Variants in SPIDR observed in about 807,000 individuals in gnomAD.
SPIDR encodes the protein DNA repair-scaffolding protein.
In SPIDR, 93 loss-of-function variants were observed where a neutral mutation model predicts 104.6. The ratio of observed to expected loss-of-function variants is 0.89; its 90% CI spans 0.75 to 1.06. The LOEUF is 1.06. SPIDR is among the 50% of genes least tolerant of loss of function. SPIDR has a pLI of 0.00. For synonymous variants in SPIDR, 431 were observed against 416.9 expected (o/e 1.03, Z -0.41); for missense variants, 1,154 against 1,111.2 (o/e 1.04, Z -0.55).
intron 7 of SPIDR, among the ~76,000 whole-genome samples, chr8:47,435,928 C>T (rs912897829): frequency 6.6e-6 from 1 of 152,208 alleles, no homozygotes; most frequent in Non-Finnish European, 1.5e-5. Context: ...CAGTCATCCT[C>T]TCTGTTCTTG....
intron 7 of SPIDR, among the ~76,000 whole-genome samples, chr8:47,434,106 T>C (rs928614215): frequency 3.3e-5 from 5 of 152,194 alleles, no homozygotes; most frequent in African/African-American, 1.2e-4. Flanking sequence ...AATAGTAAAA[T>C]GTACACTGAA....
At chr8:47,350,110 G>T (rs1438581431) in intron 5 of SPIDR, among the ~76,000 whole-genome samples, 4 of 152,060 alleles carry the variant, frequency 2.6e-5, no homozygotes, top group African/African-American at 4.8e-5. Context: ...GGAATGATCG[G>T]GTTTTTCTTA....
chr8:47,732,429 A>G, intron 19 of SPIDR: 1 of 542,570 alleles, frequency 1.8e-6, no homozygotes, highest in Non-Finnish European at 3.3e-6. Flanking sequence ...ATGTGTGTGC[A>G]TTGGGTGAGG....
chr8:47,499,533 C>T (rs184602494), intron 8 of SPIDR, among the ~76,000 whole-genome samples: 64 of 151,582 alleles, frequency 4.2e-4, no homozygotes, highest in Admixed American at 3.5e-3. Flanking sequence ...TCAAATGATA[C>T]GGCAGCATTT....
At chr8:47,509,918 GCACA>G (rs150535931) in intron 8 of SPIDR, among the ~76,000 whole-genome samples, 4 of 150,064 alleles carry the variant, frequency 2.7e-5, no homozygotes, top group South Asian at 2.1e-4. Flanking sequence ...CCACACACAT[GCACA>G]CACACACACA....
chr8:47,392,824 C>T (rs1465195219), intron 5 of SPIDR, among the ~76,000 whole-genome samples: 1 of 152,196 alleles, frequency 6.6e-6, no homozygotes, highest in African/African-American at 2.4e-5. Context: ...ATTATCAGGT[C>T]TGCTGTTTTC....
chr8:47,294,063 C>G, intron 5 of SPIDR, 33 bp downstream of exon 5: 13 of 1,564,388 alleles, frequency 8.3e-6, no homozygotes, highest in Non-Finnish European at 1.1e-5. Flanking sequence ...CTTTTATTCA[C>G]TTTATAACAT....
chr8:47,646,459 T>C (rs570584529), intron 10 of SPIDR, among the ~76,000 whole-genome samples: 2 of 152,328 alleles, frequency 1.3e-5, no homozygotes, highest in Non-Finnish European at 2.9e-5. Flanking sequence ...ATATATGAAA[T>C]ACAAGCTTAT....
At chr8:47,727,122 C>T (rs2084367455) in intron 16 of SPIDR, 78 bp from the exon 17 acceptor site, 1 of 1,252,944 alleles carries the variant, frequency 8.0e-7, no homozygotes, top group Non-Finnish European at 1.2e-6. Flanking sequence ...CTCATGTTGT[C>T]CTCTGCACGT....
chr8:47,582,339 A>G (rs1198842860), intron 8 of SPIDR, among the ~76,000 whole-genome samples: 1 of 152,226 alleles, frequency 6.6e-6, no homozygotes, highest in Non-Finnish European at 1.5e-5. Flanking sequence ...GTTGCTAAGC[A>G]CAGAAAAAAA....
At position 47,294,017 on chromosome 8, in the gene SPIDR, C is replaced by T. The variant is rs2040394883; in HGVS notation, c.512C>T (p.Ser171Leu). 8.1e-6 allele frequency: 13 copies of T among 1,613,190 alleles called. No individual in the cohort carries two copies. Among genetic ancestry groups the T allele is most frequent in the East Asian group, 4.5e-5 (2 of 44,850 alleles). The change falls in exon 5 of 20, where the codon TCG (serine) becomes TTG (leucine). Residue 171 changes from serine (S) to leucine (L), a missense_variant. Ser to Leu is a moderately radical substitution (Grantham distance 145). Coordinates refer to ENST00000297423, the MANE Select transcript of SPIDR (RefSeq NM_001080394.4). ...TCTTTGACAAGTGATGAGAAGCTGT[C>T]GGAGCTTCCCAAGGTAAGAATGAAG... Reference protein sequence around the residue: ...NQSLTSDEKLSELPKPSSIEI... With the variant: ...NQSLTSDEKLLELPKPSSIEI...
At chr8:47,685,056 T>C (rs983127296) in intron 11 of SPIDR, among the ~76,000 whole-genome samples, 5 of 152,128 alleles carry the variant, frequency 3.3e-5, no homozygotes, top group African/African-American at 1.2e-4. Context: ...CTGTCTCTAC[T>C]GAAAATATAG....
At chr8:47,281,606 G>A (rs373737748) in intron 2 of SPIDR, among the ~76,000 whole-genome samples, 22 of 152,276 alleles carry the variant, frequency 1.4e-4, no homozygotes, top group African/African-American at 4.8e-4. Flanking sequence ...CATTCAACTC[G>A]TAGGAAATTG....
chr8:47,511,346 C>T, intron 8 of SPIDR: 2 of 1,120,726 alleles, frequency 1.8e-6, no homozygotes, highest in East Asian at 4.7e-5. Flanking sequence ...GTACTCAACA[C>T]CTAGGGGGCA....
At chr8:47,504,226 G>A (rs1410290887) in intron 8 of SPIDR, among the ~76,000 whole-genome samples, 2 of 152,212 alleles carry the variant, frequency 1.3e-5, no homozygotes, top group African/African-American at 2.4e-5. Flanking sequence ...ATCCTGCAGA[G>A]TGTTTTCCAG....
intron 5 of SPIDR, among the ~76,000 whole-genome samples, chr8:47,357,150 T>G (rs1392791923): frequency 1.3e-5 from 2 of 152,176 alleles, no homozygotes; most frequent in Non-Finnish European, 2.9e-5. Flanking sequence ...GGTAGGAAAT[T>G]AGGGGAAAGA....
At chr8:47,344,796 C>T (rs2051531222) in intron 5 of SPIDR, among the ~76,000 whole-genome samples, 1 of 152,162 alleles carries the variant, frequency 6.6e-6, no homozygotes, top group African/African-American at 2.4e-5. Context: ...ATGTCCTTTG[C>T]CCACTTTTTG....
chr8:47,511,943 T>C (rs2082396189), intron 8 of SPIDR: 1 of 793,258 alleles, frequency 1.3e-6, no homozygotes, highest in Middle Eastern at 2.3e-4. Context: ...CTATTATCAC[T>C]AGGGGCTGTG....
At chr8:47,483,552 G>A (rs1193031322) in intron 8 of SPIDR, among the ~76,000 whole-genome samples, 2 of 152,162 alleles carry the variant, frequency 1.3e-5, no homozygotes, top group African/African-American at 4.8e-5. Context: ...AGGATAGGTA[G>A]TTGCACAGAT....
Sources: gnomAD v4.1 joint callset for allele counts (sites outside exome capture counted in the v4.1 genomes callset) on GRCh38, gnomAD v4.1.1 for gene constraint, MANE v1.5 for transcripts, NCBI Gene and HGNC (gene_info 2026-07-23, HGNC 2026-07-21) for gene names.